Variants in HEPH observed in about 807,000 individuals in gnomAD.
HEPH encodes hephaestin.
A neutral mutation model predicts 80.8 loss-of-function variants in HEPH; 69 were observed. The ratio of observed to expected loss-of-function variants is 0.85; its 90% CI spans 0.70 to 1.04. The LOEUF (loss-of-function observed/expected upper bound fraction) is 1.04, where lower values mean the gene tolerates loss of function less well. Ranked by LOEUF, HEPH falls within the 50% of genes least tolerant of loss-of-function variation. The pLI, the probability that HEPH is intolerant of heterozygous loss-of-function variation, is 0.00. For missense variants in HEPH, 1,115 were observed against 891.3 expected (o/e 1.25, Z -3.20); for synonymous variants, 431 against 322.8 (o/e 1.34, Z -3.60).
intron 15 of HEPH, among the ~76,000 whole-genome samples, chrX:66,242,771 A>T (rs747377617): frequency 1.8e-5 from 2 of 112,057 alleles, no homozygotes; most frequent in African/African-American, 6.5e-5. Context: ...ATTCTCAACA[A>T]CACTAATTAT....
intron 15 of HEPH, among the ~76,000 whole-genome samples, chrX:66,233,012 C>T (rs1408768492): frequency 1.8e-5 from 2 of 110,427 alleles, no homozygotes; most frequent in African/African-American, 6.6e-5. Flanking sequence ...AAGAGCTAAC[C>T]AAAAAATCAT....
At position 66,198,907 on chromosome X, in the gene HEPH, C is replaced by G. The variant is rs1162958286; in HGVS notation, c.1743C>G (p.Leu581=). ...GGGTGGATAAAGAATTCTTTCTTCT[C>G]TTCACTGTGTTGGATGAGAACAAGA... ...QKGVDKEFFL[L]FTVLDENKSW... The change falls in exon 11 of 21, where the codon CTC becomes CTG. Residue 581 remains leucine, a synonymous_variant. Transcript: ENST00000343002. 2 of 1,202,977 alleles carry G rather than the reference C, an allele frequency of 1.7e-6. No individual in the cohort carries two copies. Among genetic ancestry groups the G allele is most frequent in the Admixed American group, 4.3e-5 (2 of 46,001 alleles).
intron 9 of HEPH, among the ~76,000 whole-genome samples, chrX:66,197,082 G>T (rs1049936530): frequency 1.8e-5 from 2 of 109,803 alleles, no homozygotes; most frequent in African/African-American, 6.6e-5. Flanking sequence ...ATTTTCAATT[G>T]TACTTCTTTG....
chrX:66,191,978 T>A, intron 6 of HEPH, 152 bp from the exon 7 acceptor site: 5 of 479,544 alleles, frequency 1.0e-5, no homozygotes, highest in Non-Finnish European at 1.4e-5. Context: ...CCATGCACTT[T>A]AAGAGTGAGA....
At chrX:66,235,944 T>C (rs1006754758) in intron 15 of HEPH, among the ~76,000 whole-genome samples, 14 of 111,823 alleles carry the variant, frequency 1.3e-4, no homozygotes, top group African/African-American at 4.6e-4. Context: ...TGTTGGTGTA[T>C]AGGAATGCTA....
intron 15 of HEPH, among the ~76,000 whole-genome samples, chrX:66,231,341 G>A (rs1467582293): frequency 2.9e-5 from 3 of 104,117 alleles, no homozygotes; most frequent in Non-Finnish European, 5.9e-5. Flanking sequence ...GATGGGGATG[G>A]CATTGAATCT....
intron 15 of HEPH, among the ~76,000 whole-genome samples, chrX:66,245,929 T>C (rs1569396843): frequency 8.9e-6 from 1 of 112,316 alleles, no homozygotes; most frequent in Non-Finnish European, 1.9e-5. Context: ...TCTCTGTGCC[T>C]ATGTTTCTTT....
chrX:66,202,448 G>C (rs932397654), intron 12 of HEPH, among the ~76,000 whole-genome samples: 8 of 111,610 alleles, frequency 7.2e-5, no homozygotes, highest in African/African-American at 2.6e-4. Context: ...AAGAAATTTA[G>C]CTTCTTTTGA....
rs765558272 is a variant in HEPH at position 66,189,668 on chromosome X, G to T, written c.809-16G>T. 8.3e-7 allele frequency: 1 copy of T among 1,200,236 alleles called. No homozygotes were observed. The highest frequency in any genetic ancestry group is 1.1e-6 in the Non-Finnish European group (1 of 887,466). On this transcript the variant is annotated splice_polypyrimidine_tract_variant and intron_variant, in intron 5 of 20. Coordinates refer to ENST00000343002, the MANE Select transcript of HEPH (RefSeq NM_001367233.3). ...CTTTCCTAATCCTGATATTTTCTTTGGGTTTTCTTTTGCAGCAATCAATGG... is the reference window on the plus strand; with the variant it reads ...CTTTCCTAATCCTGATATTTTCTTTTGGTTTTCTTTTGCAGCAATCAATGG...
At chrX:66,255,783 G>T (rs1249285819) in intron 16 of HEPH, among the ~76,000 whole-genome samples, 1 of 111,339 alleles carries the variant, frequency 9.0e-6, no homozygotes, top group Non-Finnish European at 1.9e-5. Flanking sequence ...TCAGATAAGG[G>T]ATATGATGAT....
chrX:66,221,578 G>T (rs180675442), intron 15 of HEPH, among the ~76,000 whole-genome samples: 2 of 112,635 alleles, frequency 1.8e-5, no homozygotes. Flanking sequence ...CTGCCTAGTT[G>T]TTTTGAAAGC....
At chrX:66,219,442 T>C (rs944129899) in intron 15 of HEPH, among the ~76,000 whole-genome samples, 2 of 112,095 alleles carry the variant, frequency 1.8e-5, no homozygotes, top group Admixed American at 1.9e-4. Context: ...TAGCAAGTAG[T>C]CGAGAGCCAA....
intron 15 of HEPH, among the ~76,000 whole-genome samples, chrX:66,213,053 C>T (rs1297787925): frequency 9.3e-6 from 1 of 107,994 alleles, no homozygotes; most frequent in African/African-American, 3.4e-5. Flanking sequence ...AATTATTATA[C>T]TTTAAGTTTT....
At position 66,263,689 on chromosome X, in the gene HEPH, G is replaced by T; in HGVS notation, c.3244+1G>T. On this transcript the variant is annotated splice_donor_variant, in intron 20 of 20. Coordinates refer to ENST00000343002, the MANE Select transcript of HEPH (RefSeq NM_001367233.3). LOFTEE classifies it high-confidence loss of function. ...GTCATCACCAAAGAGACTGAAAAAG[G>T]TACGTAAAATGATGCACAGACTGGG... 1 of 1,208,404 alleles carries T rather than the reference G, an allele frequency of 8.3e-7. No individual in the cohort carries two copies. Among genetic ancestry groups the T allele is most frequent in the Non-Finnish European group, 1.1e-6 (1 of 892,891 alleles).
At chrX:66,228,488 C>G (rs2089983135) in intron 15 of HEPH, among the ~76,000 whole-genome samples, 1 of 112,845 alleles carries the variant, frequency 8.9e-6, no homozygotes, top group African/African-American at 3.2e-5. Flanking sequence ...ATTTTATGAT[C>G]AAGAACCCAA....
At chrX:66,174,815 C>T (rs1602206593) in intron 4 of HEPH, among the ~76,000 whole-genome samples, 1 of 111,761 alleles carries the variant, frequency 8.9e-6, no homozygotes, top group East Asian at 2.8e-4. Flanking sequence ...TGTATATCTT[C>T]TTGTGAGAAT....
chrX:66,200,826 G>A (rs2088399457), intron 12 of HEPH, 74 bp downstream of exon 12: 1 of 815,194 alleles, frequency 1.2e-6, no homozygotes, highest in Admixed American at 2.9e-5. Context: ...AAGAGGGAGG[G>A]ATGGTGAAGA....
chrX:66,170,676 C>A lies in HEPH; in HGVS notation c.106C>A (p.Gln36Lys), dbSNP rs1352270561. 8.3e-7 allele frequency: 1 copy of A among 1,210,367 alleles called. No homozygotes were observed. Among genetic ancestry groups the A allele is most frequent in the South Asian group, 1.8e-5 (1 of 56,766 alleles). The change falls in exon 2 of 21, where the codon CAG (glutamine) becomes AAG (lysine). Residue 36 changes from glutamine to lysine, a missense_variant. Coordinates refer to ENST00000343002, the MANE Select transcript of HEPH (RefSeq NM_001367233.3). ...CTACTACCTGGGCATCCGGGATGTG[C>A]AGTGGAACTATGCTCCCAAGGGAAG... is the stretch of plus-strand genomic sequence containing the variant. ...RVYYLGIRDVQWNYAPKGRNV... is the reference protein window; with the variant it reads ...RVYYLGIRDVKWNYAPKGRNV...
At chrX:66,201,077 G>T (rs765451966) in intron 12 of HEPH, among the ~76,000 whole-genome samples, 3 of 110,841 alleles carry the variant, frequency 2.7e-5, no homozygotes, top group Non-Finnish European at 5.7e-5. Context: ...GATTTTATAG[G>T]TACAGTACTT....
Sources: gnomAD v4.1 joint callset for allele counts (sites outside exome capture counted in the v4.1 genomes callset) on GRCh38, gnomAD v4.1.1 for gene constraint, MANE v1.5 for transcripts, NCBI Gene and HGNC (gene_info 2026-07-23, HGNC 2026-07-21) for gene names.